Variants in FBXO28 observed in about 807,000 individuals in gnomAD.
The protein encoded by FBXO28 is F-box protein 28.
In FBXO28, 8 loss-of-function variants were observed where a neutral mutation model predicts 38.1. That is an observed-to-expected ratio of 0.21 (90% CI 0.12 to 0.38). The LOEUF (loss-of-function observed/expected upper bound fraction) is 0.38, where lower values mean the gene tolerates loss of function less well. Among genes scored for constraint, FBXO28 ranks in the 10% least tolerant of loss-of-function variants. FBXO28 has a pLI of 1.00. For synonymous variants in FBXO28, 168 were observed against 173.8 expected (o/e 0.97, Z 0.26); for missense variants, 345 against 460.6 (o/e 0.75, Z 2.30).
intron 1 of FBXO28, among the ~76,000 whole-genome samples, chr1:224,123,442 CAAAAAAAAAAAAA>C (rs10647785): frequency 1.6e-5 from 1 of 64,294 alleles, no homozygotes; most frequent in African/African-American, 6.3e-5. Flanking sequence ...GACCCTGTCT[CAAAAAAAAAAAAA>C]AAAAAAAAAA....
chr1:224,140,958 T>A (rs1483861797), intron 3 of FBXO28, among the ~76,000 whole-genome samples: 6 of 97,080 alleles, frequency 6.2e-5, no homozygotes, highest in African/African-American at 1.5e-4. Context: ...AAAAAAAAAA[T>A]TATTCTGAGA....
chr1:224,118,590 TTAAA>T (rs1656700208), intron 1 of FBXO28, among the ~76,000 whole-genome samples: 1 of 152,254 alleles, frequency 6.6e-6, no homozygotes, highest in African/African-American at 2.4e-5. Flanking sequence ...CTTTAGCTAA[TTAAA>T]TCTATTACCT....
At chr1:224,148,034 T>G (rs371367939) in intron 3 of FBXO28, among the ~76,000 whole-genome samples, 1 of 152,144 alleles carries the variant, frequency 6.6e-6, no homozygotes, top group African/African-American at 2.4e-5. Flanking sequence ...AGAAACTATT[T>G]TGAATTTTAT....
At chr1:224,132,802 C>CA (rs35539044) in intron 2 of FBXO28, among the ~76,000 whole-genome samples, 56 of 129,724 alleles carry the variant, frequency 4.3e-4, no homozygotes, top group East Asian at 7.0e-4. Flanking sequence ...GAGCCCGTCT[C>CA]AAAAAAAAAA....
chr1:224,160,445 C>T lies in FBXO28; in HGVS notation c.*2699C>T, dbSNP rs954021136. 3 of 152,136 alleles carry T rather than the reference C, an allele frequency of 2.0e-5. No individual in the cohort carries two copies. Among genetic ancestry groups the T allele is most frequent in the Admixed American group, 6.6e-5 (1 of 15,254 alleles). 9.4% of individuals were successfully genotyped at this position (152,136 alleles called of 1,614,324 possible). A position where few individuals can be genotyped will look rare whatever the true frequency, so the allele number is the denominator to read the frequency against. Reference sequence around the variant, plus strand: ...CACATAGAAATGTATTCTGGTACAGCGCTGCACACATGGATAGCAATGTGA... The same window carrying T: ...CACATAGAAATGTATTCTGGTACAGTGCTGCACACATGGATAGCAATGTGA... On this transcript the variant is annotated 3_prime_UTR_variant, in exon 5 of 5. Transcript: ENST00000366862.
chr1:224,114,715 G>C (rs913171032), intron 1 of FBXO28, among the ~76,000 whole-genome samples: 1 of 150,524 alleles, frequency 6.6e-6, no homozygotes, highest in African/African-American at 2.4e-5. Flanking sequence ...CCTGGCCCGA[G>C]AGTAGACCCG....
In FBXO28 at chr1:224,157,974, C is replaced by A; in HGVS notation, c.*228C>A. The A allele has an allele frequency of 7.6e-7, 1 of 1,309,076 alleles. No individual in the cohort carries two copies. Among genetic ancestry groups the A allele is most frequent in the South Asian group, 2.4e-5 (1 of 42,238 alleles). 81.1% of individuals were successfully genotyped at this position (1,309,076 alleles called of 1,614,324 possible). A position where few individuals can be genotyped will look rare whatever the true frequency, so the allele number is the denominator to read the frequency against. On this transcript the variant is annotated 3_prime_UTR_variant, in exon 5 of 5. Coordinates refer to ENST00000366862, the MANE Select transcript of FBXO28 (RefSeq NM_015176.4). ...TAGATTTGTACTAACCAGACCTGTTCTATCATGTTTTGAGGAGTTAACTTT... is the reference window on the plus strand; with the variant it reads ...TAGATTTGTACTAACCAGACCTGTTATATCATGTTTTGAGGAGTTAACTTT...
At chr1:224,135,683 A>G (rs577924424) in intron 3 of FBXO28, among the ~76,000 whole-genome samples, 1 of 151,616 alleles carries the variant, frequency 6.6e-6, no homozygotes, top group Non-Finnish European at 1.5e-5. Context: ...AGAAGAAGTC[A>G]CCAATTTCTG....
chr1:224,114,472 C>A, intron 1 of FBXO28, 76 bp downstream of exon 1: 1 of 1,287,814 alleles, frequency 7.8e-7, no homozygotes, highest in East Asian at 2.7e-5. Flanking sequence ...GCGCGTTCCC[C>A]GGGAAGGGAG....
chr1:224,147,486 A>T (rs1365184762), intron 3 of FBXO28, among the ~76,000 whole-genome samples: 4 of 152,126 alleles, frequency 2.6e-5, no homozygotes, highest in Non-Finnish European at 5.9e-5. Context: ...TATGAATTTT[A>T]AAATAGTACA....
rs1280477698 is a variant in FBXO28 at position 224,133,699 on chromosome 1, C to T, written c.378-375C>T. On this transcript the variant is annotated intron_variant, in intron 2 of 4. Transcript: ENST00000366862. Reference sequence around the variant, plus strand: ...CGCCTGGCTAATTTTTTAGTAGAGACGGGGTTTCACCATGTTGCCCAGCCT... The same window carrying T: ...CGCCTGGCTAATTTTTTAGTAGAGATGGGGTTTCACCATGTTGCCCAGCCT... 6.6e-5 allele frequency among the ~76,000 whole-genome samples: 10 copies of T among 151,818 alleles called. No individual in the cohort carries two copies. The South Asian group carries it at 1.2e-3, about 19-fold the overall frequency.
intron 3 of FBXO28, among the ~76,000 whole-genome samples, chr1:224,144,310 A>T (rs1183015383): frequency 6.7e-6 from 1 of 149,352 alleles, no homozygotes; most frequent in Admixed American, 6.7e-5. Context: ...CAGAAAAAAA[A>T]AATTGCCAGG....
chr1:224,115,379 A>G (rs1656621514), intron 1 of FBXO28, among the ~76,000 whole-genome samples: 1 of 152,192 alleles, frequency 6.6e-6, no homozygotes, highest in Non-Finnish European at 1.5e-5. Flanking sequence ...TGTGCTGGGA[A>G]TTGTTTTTAA....
At chr1:224,153,565 G>T (rs181064170) in intron 4 of FBXO28, among the ~76,000 whole-genome samples, 11 of 152,252 alleles carry the variant, frequency 7.2e-5, no homozygotes, top group Non-Finnish European at 1.6e-4. Flanking sequence ...AATCTGAGCG[G>T]TCTTGCGACT....
intron 1 of FBXO28, among the ~76,000 whole-genome samples, chr1:224,118,825 C>T (rs1488242951): frequency 1.3e-5 from 2 of 152,130 alleles, no homozygotes; most frequent in Non-Finnish European, 2.9e-5. Context: ...TTATTGAAGA[C>T]CCATAGAACT....
chr1:224,127,691 G>T (rs903244485), intron 1 of FBXO28, among the ~76,000 whole-genome samples: 1 of 152,166 alleles, frequency 6.6e-6, no homozygotes, highest in African/African-American at 2.4e-5. Context: ...CAAATCACCT[G>T]AGGCCAGGAG....
chr1:224,119,294 C>T (rs1306008399), intron 1 of FBXO28, among the ~76,000 whole-genome samples: 5 of 151,268 alleles, frequency 3.3e-5, no homozygotes, highest in Admixed American at 6.6e-5. Flanking sequence ...CCACCACGCC[C>T]GGCTAATTTT....
At chr1:224,150,553 G>C (rs1363979565) in intron 3 of FBXO28, among the ~76,000 whole-genome samples, 1 of 151,984 alleles carries the variant, frequency 6.6e-6, no homozygotes, top group Non-Finnish European at 1.5e-5. Flanking sequence ...TGAGTAGCTA[G>C]CTTCCACAAA....
At chr1:224,130,768 T>C in intron 2 of FBXO28, 187 bp downstream of exon 2, 2 of 478,262 alleles carry the variant, frequency 4.2e-6, no homozygotes, top group Non-Finnish European at 7.5e-6. Context: ...TTACTGGAGG[T>C]TCTAGCCAGA....
Sources: allele counts gnomAD v4.1 joint callset (sites outside exome capture counted in the v4.1 genomes callset), GRCh38; gene constraint gnomAD v4.1.1; transcripts MANE v1.5; gene names NCBI Gene and HGNC (gene_info 2026-07-23, HGNC 2026-07-21).